The following FARP2 variants were observed in gnomAD, a reference collection of about 807,000 sequenced individuals.
The protein encoded by FARP2 is FERM, ARH/RhoGEF and pleckstrin domain protein 2, also known as FERM, ARHGEF and pleckstrin domain-containing protein 2.
Under a neutral mutation model 130.5 loss-of-function variants are expected in FARP2, and 111 were observed. That is an observed-to-expected ratio of 0.85 (90% CI 0.73 to 1.00). The LOEUF (loss-of-function observed/expected upper bound fraction) is 1.00, where lower values mean the gene tolerates loss of function less well. Among genes scored for constraint, FARP2 ranks in the 50% least tolerant of loss-of-function variants. The pLI, the probability that FARP2 is intolerant of heterozygous loss-of-function variation, is 0.00. For missense variants in FARP2, 1,385 were observed against 1,346.3 expected, an observed-to-expected ratio of 1.03 and a Z score of -0.45; for synonymous variants, 504 against 516.9, an observed-to-expected ratio of 0.98 and a Z score of 0.34.
Position 241,441,292 on chromosome 2 carries a change from T to A in FARP2, c.1159-12T>A, listed in dbSNP as rs1032877537. On this transcript the variant is annotated splice_polypyrimidine_tract_variant and intron_variant, in intron 12 of 26. Transcript: ENST00000264042. ...TATATCCTTTTTTTCTTTTCTTAAC[T>A]TTGGTTCCCAGAGCATCTCATTCCC... 2.6e-6 allele frequency: 4 copies of A among 1,556,494 alleles called. No homozygotes were observed. Among genetic ancestry groups the A allele is most frequent in the Non-Finnish European group, 3.5e-6 (4 of 1,152,288 alleles).
chr2:241,480,604 A>T (rs2064589346), intron 19 of FARP2, among the ~76,000 whole-genome samples: 2 of 152,008 alleles, frequency 1.3e-5, no homozygotes, highest in Admixed American at 6.5e-5. Context: ...TTATACTTTT[A>T]TACTTTTTTA....
At chr2:241,426,877 T>C (rs1445857587) in intron 8 of FARP2, among the ~76,000 whole-genome samples, 1 of 152,184 alleles carries the variant, frequency 6.6e-6, no homozygotes, top group Non-Finnish European at 1.5e-5. Flanking sequence ...TCTCCTTTTA[T>C]CATGGTGGTC....
intron 2 of FARP2, among the ~76,000 whole-genome samples, chr2:241,396,230 C>T (rs2062023984): frequency 6.6e-6 from 1 of 151,976 alleles, no homozygotes; most frequent in South Asian, 2.1e-4. Flanking sequence ...CCATAAAAAC[C>T]CTAGAAGAAA....
intron 22 of FARP2, among the ~76,000 whole-genome samples, chr2:241,490,732 C>G (rs2064869252): frequency 6.6e-6 from 1 of 152,188 alleles, no homozygotes. Flanking sequence ...TAATCATGAA[C>G]CAGGGCCAAT....
intron 1 of FARP2, among the ~76,000 whole-genome samples, chr2:241,361,663 C>A (rs1422370853): frequency 6.6e-6 from 1 of 152,090 alleles, no homozygotes; most frequent in Non-Finnish European, 1.5e-5. Flanking sequence ...GGCCCAGAAA[C>A]CTGAGCCAGA....
chr2:241,477,820 C>T (rs2064513655), intron 19 of FARP2: 1 of 152,550 alleles, frequency 6.6e-6, no homozygotes, highest in Non-Finnish European at 1.5e-5. Context: ...TGATATTGAG[C>T]ATCTTTTCAT....
At chr2:241,453,053 G>C (rs188401451) in intron 13 of FARP2, among the ~76,000 whole-genome samples, 1 of 151,976 alleles carries the variant, frequency 6.6e-6, no homozygotes, top group Non-Finnish European at 1.5e-5. Flanking sequence ...TAATAGGGCC[G>C]GAGCGGTGGC....
chr2:241,413,274 A>T (rs139503319), intron 6 of FARP2, 33 bp from the exon 7 acceptor site: 256 of 1,344,966 alleles, frequency 1.9e-4, no homozygotes, highest in Middle Eastern at 1.8e-4. Flanking sequence ...TAGTTTATTT[A>T]AAAATTAGTT....
chr2:241,375,291 T>C (rs557076730), intron 2 of FARP2, among the ~76,000 whole-genome samples: 1 of 152,180 alleles, frequency 6.6e-6, no homozygotes, highest in Non-Finnish European at 1.5e-5. Context: ...ATTTCCACCA[T>C]GTAGTCATCC....
intron 4 of FARP2, among the ~76,000 whole-genome samples, chr2:241,405,863 G>A (rs892224261): frequency 6.6e-6 from 1 of 152,186 alleles, no homozygotes; most frequent in African/African-American, 2.4e-5. Context: ...GAGCCTGGAA[G>A]GCGGAGGTTG....
intron 1 of FARP2, among the ~76,000 whole-genome samples, chr2:241,356,710 G>A (rs1274725702): frequency 6.6e-6 from 1 of 152,012 alleles, no homozygotes; most frequent in African/African-American, 2.4e-5. Context: ...ACCGGGGAGT[G>A]TCCCGCGTGG....
chr2:241,421,646 C>T (rs779507730), intron 8 of FARP2, among the ~76,000 whole-genome samples: 38 of 152,240 alleles, frequency 2.5e-4, no homozygotes, highest in Admixed American at 9.8e-4. Flanking sequence ...GCCCCTGACC[C>T]TGTTCCTCCT....
At chr2:241,414,015 G>T (rs1429575924) in intron 7 of FARP2, among the ~76,000 whole-genome samples, 1 of 151,920 alleles carries the variant, frequency 6.6e-6, no homozygotes, top group African/African-American at 2.4e-5. Flanking sequence ...GGATGGGGTG[G>T]CTATTGGGGG....
Position 241,490,995 on chromosome 2 carries a change from CCCTTG to C in FARP2, c.2505-65_2505-61del. 5.5e-6 allele frequency: 7 copies of C among 1,265,322 alleles called. No homozygotes were observed. In the Admixed American group the frequency reaches 1.2e-4, roughly 21 times the overall value. The allele number at this position is 1,265,322 out of a possible 1,614,324, so 78.4% of individuals were successfully genotyped here. A position where few individuals can be genotyped will look rare whatever the true frequency, so the allele number is the denominator to read the frequency against. ...AACAGGTGCCCTGACGGCTCGCCCT[CCCTTG>C]AGGGCTGGGGCCCTACACAAGGAAG... On this transcript the variant is annotated intron_variant, in intron 22 of 26. Transcript: ENST00000264042.
At chr2:241,474,727 G>A (rs2064410010) in intron 18 of FARP2, among the ~76,000 whole-genome samples, 1 of 151,614 alleles carries the variant, frequency 6.6e-6, no homozygotes, top group Non-Finnish European at 1.5e-5. Flanking sequence ...GAGAGGCGGA[G>A]GTTTCAGTGA....
chr2:241,425,306 G>A (rs1413797809), intron 8 of FARP2, among the ~76,000 whole-genome samples: 4 of 152,070 alleles, frequency 2.6e-5, no homozygotes, highest in African/African-American at 7.2e-5. Flanking sequence ...AAAAGCAATT[G>A]CAACAAAAGC....
intron 18 of FARP2, among the ~76,000 whole-genome samples, chr2:241,470,319 T>C (rs927649035): frequency 2.6e-5 from 4 of 152,252 alleles, no homozygotes; most frequent in East Asian, 1.9e-4. Context: ...GCACCTGCTC[T>C]GCCTACTGCT....
At chr2:241,390,621 A>G (rs1051001334) in intron 2 of FARP2, among the ~76,000 whole-genome samples, 1 of 151,874 alleles carries the variant, frequency 6.6e-6, no homozygotes, top group Non-Finnish European at 1.5e-5. Flanking sequence ...GTCTCCTCTC[A>G]TTTTATGAAT....
chr2:241,400,454 C>T (rs565759873), intron 2 of FARP2, among the ~76,000 whole-genome samples: 59 of 152,274 alleles, frequency 3.9e-4, no homozygotes, highest in Non-Finnish European at 6.6e-4. Context: ...AACAAATAAA[C>T]GGGTCACAGT....
Sources: allele counts gnomAD v4.1 joint callset (sites outside exome capture counted in the v4.1 genomes callset), GRCh38; gene constraint gnomAD v4.1.1; transcripts MANE v1.5; gene names NCBI Gene and HGNC (gene_info 2026-07-23, HGNC 2026-07-21).